Variants in SETBP1 observed in about 807,000 individuals in gnomAD.
The protein encoded by SETBP1 is SET-binding protein.
In SETBP1, 9 loss-of-function variants were observed where a neutral mutation model predicts 101.0. That is an observed-to-expected ratio of 0.09 (90% CI 0.05 to 0.16). The LOEUF is 0.16. SETBP1 is among the 10% of genes least tolerant of loss of function. The probability of loss-of-function intolerance (pLI) is 1.00; values close to 1 mark genes in which losing one functional copy is unlikely to be tolerated. For synonymous variants in SETBP1, 818 were observed against 788.5 expected (o/e 1.04, Z -0.63); for missense variants, 1,858 against 2,033.8 (o/e 0.91, Z 1.66).
At chr18:44,919,705 T>C (rs1042318578) in intron 3 of SETBP1, among the ~76,000 whole-genome samples, 14 of 151,510 alleles carry the variant, frequency 9.2e-5, no homozygotes, top group South Asian at 4.2e-4. Context: ...CTTAATAATC[T>C]GTGCCATTTG....
intron 5 of SETBP1, among the ~76,000 whole-genome samples, chr18:45,054,559 A>G (rs1265901692): frequency 6.6e-6 from 1 of 152,206 alleles, no homozygotes; most frequent in Non-Finnish European, 1.5e-5. Flanking sequence ...CTGTTCATCC[A>G]TGGTGGGCAA....
At chr18:44,851,124 T>G (rs1168461985) in intron 2 of SETBP1, among the ~76,000 whole-genome samples, 1 of 152,192 alleles carries the variant, frequency 6.6e-6, no homozygotes, top group Non-Finnish European at 1.5e-5. Context: ...ATCATCATCA[T>G]TATCATTATC....
chr18:44,758,445 C>T lies in SETBP1; in HGVS notation c.486+56613C>T, dbSNP rs370430738. ...TTGCCCAGGCTGGAGTGCAGTGGTG[C>T]GATCTCAGCTCACTGCAAGCTCTGC... On this transcript the variant is annotated intron_variant, in intron 2 of 5. Transcript: ENST00000649279. 2.1e-4 allele frequency among the ~76,000 whole-genome samples: 32 copies of T among 150,676 alleles called. No individual in the cohort carries two copies. In the East Asian group the frequency reaches 5.1e-3, roughly 24 times the overall value.
At chr18:44,804,389 T>A (rs1350840818) in intron 2 of SETBP1, among the ~76,000 whole-genome samples, 1 of 152,142 alleles carries the variant, frequency 6.6e-6, no homozygotes. Flanking sequence ...AAGCAGCAGA[T>A]ATTTTCCTGA....
At chr18:44,812,444 G>C (rs1233899654) in intron 2 of SETBP1, among the ~76,000 whole-genome samples, 1 of 152,114 alleles carries the variant, frequency 6.6e-6, no homozygotes, top group East Asian at 1.9e-4. Context: ...ATAGCCTTAA[G>C]AGAGCAAGAA....
chr18:45,051,581 A>T (rs1037098131), intron 5 of SETBP1, among the ~76,000 whole-genome samples: 24 of 152,188 alleles, frequency 1.6e-4, no homozygotes, highest in Non-Finnish European at 3.2e-4. Context: ...GCTCTAAAAA[A>T]GTCTATTCAA....
chr18:44,681,332 G>C (rs1011482086), intron 1 of SETBP1, among the ~76,000 whole-genome samples: 1 of 152,158 alleles, frequency 6.6e-6, no homozygotes, highest in Non-Finnish European at 1.5e-5. Flanking sequence ...CCGAAATACT[G>C]TCTGAGAAGT....
intron 3 of SETBP1, among the ~76,000 whole-genome samples, chr18:44,935,718 G>A (rs1437596874): frequency 6.6e-6 from 1 of 152,212 alleles, no homozygotes; most frequent in African/African-American, 2.4e-5. Flanking sequence ...GTATTTAGAA[G>A]AGGCCACTGG....
At chr18:44,814,372 A>G (rs944845073) in intron 2 of SETBP1, among the ~76,000 whole-genome samples, 1 of 152,226 alleles carries the variant, frequency 6.6e-6, no homozygotes, top group Admixed American at 6.5e-5. Context: ...CAAATTAAAC[A>G]GAAGGCCAGA....
At chr18:44,756,179 C>T (rs1599081025) in intron 2 of SETBP1, among the ~76,000 whole-genome samples, 1 of 149,690 alleles carries the variant, frequency 6.7e-6, no homozygotes, top group African/African-American at 2.5e-5. Context: ...ATCGTGCCAC[C>T]GTACTCCAGC....
intron 2 of SETBP1, among the ~76,000 whole-genome samples, chr18:44,807,245 TTGTATATTTGCAC>T (rs1242929569): frequency 6.6e-6 from 1 of 152,192 alleles, no homozygotes; most frequent in African/African-American, 2.4e-5. Flanking sequence ...TATTTCTTGG[TTGTATATTTGCAC>T]TGTAGATCTA....
chr18:44,903,945 A>G (rs936589380), intron 3 of SETBP1, among the ~76,000 whole-genome samples: 3 of 152,198 alleles, frequency 2.0e-5, no homozygotes, highest in Non-Finnish European at 4.4e-5. Context: ...TTCCTTATAT[A>G]TAGCTTGTCT....
intron 3 of SETBP1, among the ~76,000 whole-genome samples, chr18:44,874,936 A>G (rs1024775564): frequency 6.6e-6 from 1 of 152,176 alleles, no homozygotes; most frequent in East Asian, 1.9e-4. Context: ...CTTATCTCCC[A>G]ACAGAAAAGG....
intron 2 of SETBP1, among the ~76,000 whole-genome samples, chr18:44,735,320 G>A (rs1465672261): frequency 1.3e-5 from 2 of 152,172 alleles, no homozygotes; most frequent in Non-Finnish European, 1.5e-5. Context: ...TTAGCCTTGG[G>A]TAAGTCACAT....
At chr18:44,807,180 G>A (rs1297875096) in intron 2 of SETBP1, among the ~76,000 whole-genome samples, 1 of 152,142 alleles carries the variant, frequency 6.6e-6, no homozygotes, top group Non-Finnish European at 1.5e-5. Context: ...CTGAGGCTCA[G>A]AACACAGGGA....
At chr18:44,940,344 A>C (rs1447418318) in intron 3 of SETBP1, among the ~76,000 whole-genome samples, 1 of 151,992 alleles carries the variant, frequency 6.6e-6, no homozygotes, top group Admixed American at 6.6e-5. Context: ...ATTTTCTTGC[A>C]GTATATTATT....
At chr18:44,711,518 T>G (rs1397729137) in intron 2 of SETBP1, among the ~76,000 whole-genome samples, 1 of 148,532 alleles carries the variant, frequency 6.7e-6, no homozygotes, top group Non-Finnish European at 1.5e-5. Context: ...TCTTTCTTTC[T>G]TTGTTGCTTT....
intron 3 of SETBP1, among the ~76,000 whole-genome samples, chr18:44,909,701 A>G (rs770059752): frequency 5.3e-5 from 8 of 152,236 alleles, no homozygotes; most frequent in Non-Finnish European, 1.2e-4. Context: ...CAGCACAGTT[A>G]TTATTATCCT....
chr18:45,024,288 C>A (rs1051885443), intron 4 of SETBP1, among the ~76,000 whole-genome samples: 9 of 151,772 alleles, frequency 5.9e-5, no homozygotes, highest in Admixed American at 3.3e-4. Flanking sequence ...AGTTCAGAAT[C>A]AAAAAAAAGA....
Sources: allele counts gnomAD v4.1 joint callset (sites outside exome capture counted in the v4.1 genomes callset), GRCh38; gene constraint gnomAD v4.1.1; transcripts MANE v1.5; gene names NCBI Gene and HGNC (gene_info 2026-07-23, HGNC 2026-07-21).